ALG14: variants seen among roughly 807,000 people sequenced by gnomAD.
The protein encoded by ALG14 is UDP-N-acetylglucosamine transferase subunit ALG14.
In ALG14, 17 loss-of-function variants were observed where a neutral mutation model predicts 22.8. That is an observed-to-expected ratio of 0.75 (90% CI 0.51 to 1.12). ALG14 has a LOEUF of 1.12. ALG14 is among the 50% of genes most tolerant of loss of function. The pLI is 0.00. For missense variants in ALG14, 288 were observed against 271.8 expected, an observed-to-expected ratio of 1.06 and a Z score of -0.42; for synonymous variants, 89 against 103.7, an observed-to-expected ratio of 0.86 and a Z score of 0.86.
intron 2 of ALG14, among the ~76,000 whole-genome samples, chr1:95,048,331 C>T (rs1674628799): frequency 1.3e-5 from 2 of 152,128 alleles, no homozygotes; most frequent in African/African-American, 4.8e-5. Context: ...TTTTTAAATG[C>T]AGGTTAAAAA....
At chr1:95,034,383 T>G (rs1157296447) in intron 2 of ALG14, among the ~76,000 whole-genome samples, 1 of 152,234 alleles carries the variant, frequency 6.6e-6, no homozygotes, top group Non-Finnish European at 1.5e-5. Flanking sequence ...TGCTCACTGC[T>G]ACGATCCCAC....
At chr1:95,068,502 C>T (rs1675453699) in intron 1 of ALG14, among the ~76,000 whole-genome samples, 1 of 152,108 alleles carries the variant, frequency 6.6e-6, no homozygotes. Context: ...GTTGGCCAGG[C>T]TGGTCTTGAA....
intron 2 of ALG14, among the ~76,000 whole-genome samples, chr1:95,046,212 A>G (rs868168210): frequency 1.3e-5 from 2 of 152,118 alleles, no homozygotes; most frequent in African/African-American, 2.4e-5. Context: ...TCAATCAACA[A>G]TCTAGCACAG....
intron 2 of ALG14, among the ~76,000 whole-genome samples, chr1:95,047,234 C>T (rs1674591337): frequency 1.3e-5 from 2 of 151,962 alleles, no homozygotes; most frequent in Non-Finnish European, 2.9e-5. Context: ...ATACATGTAA[C>T]AGAAGGGGAA....
intron 3 of ALG14, among the ~76,000 whole-genome samples, chr1:95,023,693 G>A (rs914704541): frequency 2.7e-4 from 41 of 152,280 alleles, no homozygotes; most frequent in African/African-American, 9.1e-4. Flanking sequence ...ATTAAATTAG[G>A]TTTCATTTTT....
intron 3 of ALG14, among the ~76,000 whole-genome samples, chr1:95,008,811 C>A (rs547878462): frequency 5.9e-5 from 9 of 152,190 alleles, no homozygotes; most frequent in African/African-American, 1.9e-4. Context: ...ATCCCTTAAC[C>A]AATAATTTCC....
At chr1:94,990,711 G>C (rs1672750279) in intron 3 of ALG14, among the ~76,000 whole-genome samples, 1 of 152,186 alleles carries the variant, frequency 6.6e-6, no homozygotes, top group Non-Finnish European at 1.5e-5. Context: ...AAAAAGGTAA[G>C]CAAGTTATAA....
At chr1:95,047,489 G>T (rs917621419) in intron 2 of ALG14, among the ~76,000 whole-genome samples, 12 of 151,924 alleles carry the variant, frequency 7.9e-5, no homozygotes, top group African/African-American at 2.9e-4. Context: ...GATTACAGGC[G>T]CCCACCACCA....
At chr1:95,067,807 C>T (rs149185009) in intron 1 of ALG14, among the ~76,000 whole-genome samples, 224 of 152,258 alleles carry the variant, frequency 1.5e-3, no homozygotes, top group Middle Eastern at 0.01. Flanking sequence ...TTTACTTCTG[C>T]TCAAAATCCT....
chr1:95,025,198 C>A (rs117722357), intron 3 of ALG14, among the ~76,000 whole-genome samples: 1 of 152,082 alleles, frequency 6.6e-6, no homozygotes, highest in Non-Finnish European at 1.5e-5. Context: ...TGTCAATGAG[C>A]AGTATATTTT....
chr1:95,049,764 G>T (rs1674685085), intron 2 of ALG14, among the ~76,000 whole-genome samples: 2 of 151,854 alleles, frequency 1.3e-5, no homozygotes, highest in East Asian at 3.9e-4. Flanking sequence ...CCAGCTACTT[G>T]GGGGGCTGAG....
intron 3 of ALG14, among the ~76,000 whole-genome samples, chr1:95,021,498 C>T (rs990507186): frequency 3.9e-5 from 6 of 152,136 alleles, no homozygotes; most frequent in East Asian, 1.9e-4. Flanking sequence ...GCTGTCTGTG[C>T]CCCCTTCTTT....
intron 2 of ALG14, among the ~76,000 whole-genome samples, chr1:95,027,799 A>G (rs951116504): frequency 2.0e-5 from 3 of 152,220 alleles, no homozygotes; most frequent in Non-Finnish European, 4.4e-5. Flanking sequence ...CATGGGTACA[A>G]CTTTTTGGGA....
At chr1:95,044,285 C>G (rs995995331) in intron 2 of ALG14, among the ~76,000 whole-genome samples, 18 of 152,172 alleles carry the variant, frequency 1.2e-4, no homozygotes, top group Non-Finnish European at 1.2e-4. Context: ...ATTTGTAACA[C>G]AGCCACACGA....
In ALG14 at chr1:94,987,927, A is replaced by C. The variant is rs550699368; in HGVS notation, c.421-4621T>G. ...GACAGAGAAGCAGAGTCCAACTCTA[A>C]GGCACTGGCCCAAACACAGACTTTC... On this transcript the variant is annotated intron_variant, in intron 3 of 3. Coordinates refer to ENST00000370205, the MANE Select transcript of ALG14 (RefSeq NM_144988.4). 6.6e-5 allele frequency among the ~76,000 whole-genome samples: 10 copies of C among 152,346 alleles called. No individual in the cohort carries two copies. In the South Asian group the frequency reaches 2.1e-3, roughly 32 times the overall value.
chr1:95,025,964 G>A (rs1355121185), intron 3 of ALG14, among the ~76,000 whole-genome samples: 8 of 151,782 alleles, frequency 5.3e-5, no homozygotes, highest in Admixed American at 2.0e-4. Flanking sequence ...ATGGAGTCTC[G>A]CTCTGTCGCC....
At chr1:95,035,517 CAAGAA>C (rs1674158184) in intron 2 of ALG14, among the ~76,000 whole-genome samples, 1 of 152,084 alleles carries the variant, frequency 6.6e-6, no homozygotes, top group Non-Finnish European at 1.5e-5. Context: ...GCAAGAGAGA[CAAGAA>C]AAGTAGGATG....
rs1272431225 is a variant in ALG14, at chr1:94,977,144, T to G, written c.*5932A>C. On this transcript the variant is annotated 3_prime_UTR_variant, in exon 4 of 4. Transcript: ENST00000370205. ...TAAGCCAATATATGTGTGGCAATTT[T>G]TTACACAGCGATAAAACTAATACAC... 6.6e-6 allele frequency: 1 copy of G among 152,188 alleles called. No individual in the cohort carries two copies. The highest frequency in any genetic ancestry group is 1.9e-4 in the East Asian group (1 of 5,194). The allele number at this position is 152,188 out of a possible 1,614,324, so 9.4% of individuals were successfully genotyped here.
intron 3 of ALG14, among the ~76,000 whole-genome samples, chr1:95,007,291 T>C: frequency 6.6e-6 from 1 of 152,240 alleles, no homozygotes; most frequent in East Asian, 1.9e-4. Flanking sequence ...TATTTTTATT[T>C]GCTGATAGCA....
Sources: gnomAD v4.1 joint callset for allele counts (sites outside exome capture counted in the v4.1 genomes callset) on GRCh38, gnomAD v4.1.1 for gene constraint, MANE v1.5 for transcripts, NCBI Gene and HGNC (gene_info 2026-07-23, HGNC 2026-07-21) for gene names.